KY: variants seen among roughly 807,000 people sequenced by gnomAD.
The protein encoded by KY is kyphoscoliosis peptidase.
A neutral mutation model predicts 76.1 loss-of-function variants in KY; 43 were observed. The ratio of observed to expected loss-of-function variants is 0.57; its 90% CI spans 0.44 to 0.73. The LOEUF (loss-of-function observed/expected upper bound fraction) is 0.73, where lower values mean the gene tolerates loss of function less well. Among genes scored for constraint, KY ranks in the 30% least tolerant of loss-of-function variants. The pLI, the probability that KY is intolerant of heterozygous loss-of-function variation, is 0.00. For synonymous variants in KY, 277 were observed against 326.2 expected, an observed-to-expected ratio of 0.85 and a Z score of 1.63; for missense variants, 722 against 828.9, an observed-to-expected ratio of 0.87 and a Z score of 1.58.
At position 134,601,656 on chromosome 3, in the gene KY, C is replaced by T. The variant is rs933019500; in HGVS notation, c.*1923G>A. 2.0e-5 allele frequency among the ~76,000 whole-genome samples: 3 copies of T among 152,204 alleles called. No individual in the cohort carries two copies. The highest frequency in any genetic ancestry group is 7.2e-5 in the African/African-American group (3 of 41,454). On this transcript the variant is annotated 3_prime_UTR_variant, in exon 11 of 11. Coordinates refer to ENST00000423778, the MANE Select transcript of KY (RefSeq NM_178554.6). ...TGACACGAGGCTGGCTGGGTGGCCT[C>T]GGTGGCAGAGACTGCGGAGGGCGCA...
At chr3:134,618,708 G>A (rs1233927120) in intron 8 of KY, among the ~76,000 whole-genome samples, 1 of 152,202 alleles carries the variant, frequency 6.6e-6, no homozygotes, top group African/African-American at 2.4e-5. Context: ...TGATTCAGCT[G>A]TCCAACTGAC....
At chr3:134,638,364 A>C (rs1577775087) in intron 3 of KY, among the ~76,000 whole-genome samples, 1 of 152,338 alleles carries the variant, frequency 6.6e-6, no homozygotes, top group East Asian at 1.9e-4. Flanking sequence ...TAAAATTCGC[A>C]GTCAGATCTA....
chr3:134,630,088 T>A (rs11915964), intron 3 of KY, among the ~76,000 whole-genome samples: 1 of 152,078 alleles, frequency 6.6e-6, no homozygotes, highest in African/African-American at 2.4e-5. Flanking sequence ...TAGACTGGAC[T>A]TAAAGGCATT....
intron 3 of KY, among the ~76,000 whole-genome samples, chr3:134,631,536 C>T (rs1297038948): frequency 1.0e-5 from 1 of 96,666 alleles, no homozygotes. Context: ...ATTATAACAT[C>T]TGATAGGTTT....
At chr3:134,608,512 C>G (rs1205741376) in intron 10 of KY, 137 bp downstream of exon 10, 1 of 1,570,148 alleles carries the variant, frequency 6.4e-7, no homozygotes, top group East Asian at 2.3e-5. Context: ...CATGCACACA[C>G]AAGCTTTGTG....
chr3:134,620,170 C>G (rs1298948758), intron 7 of KY, among the ~76,000 whole-genome samples: 1 of 152,142 alleles, frequency 6.6e-6, no homozygotes, highest in Non-Finnish European at 1.5e-5. Context: ...TCTGCTTGAC[C>G]CGGGAGCTTC....
chr3:134,621,543 T>G (rs1418725471), intron 6 of KY, among the ~76,000 whole-genome samples: 1 of 152,198 alleles, frequency 6.6e-6, no homozygotes, highest in Non-Finnish European at 1.5e-5. Flanking sequence ...GATCTCTACC[T>G]CATGCCATAT....
At chr3:134,643,594 C>G (rs941130168) in intron 2 of KY, among the ~76,000 whole-genome samples, 3 of 152,250 alleles carry the variant, frequency 2.0e-5, no homozygotes, top group East Asian at 1.9e-4. Context: ...GCACACACCC[C>G]TTGTGCCTCT....
rs1353301625 is a variant in KY, at chr3:134,603,960, G to T, written c.1605C>A (p.Leu535=). ...VQLPHAGKFA[L]KIFVKKRQEP... ...CCTGCCTCTTCTTGACAAAGATCTT[G>T]AGGGCAAACTTGCCTGCATGGGGCA... Residue 535 remains leucine, a synonymous_variant, in exon 11 of 11, where the codon CTC becomes CTA. Coordinates refer to ENST00000423778, the MANE Select transcript of KY (RefSeq NM_178554.6). 6.2e-7 allele frequency: 1 copy of T among 1,613,980 alleles called. No homozygotes were observed. Among genetic ancestry groups the T allele is most frequent in the Non-Finnish European group, 8.5e-7 (1 of 1,179,870 alleles).
rs144879765 is a variant in KY at position 134,599,982 on chromosome 3, G to T, written c.*3597C>A. Among the ~76,000 whole-genome samples the T allele has an allele frequency of 7.9e-5, 12 of 152,240 alleles. No homozygotes were observed. Among genetic ancestry groups the T allele is most frequent in the Non-Finnish European group, 1.3e-4 (9 of 68,022 alleles). On this transcript the variant is annotated 3_prime_UTR_variant, in exon 11 of 11. Coordinates refer to ENST00000423778, the MANE Select transcript of KY (RefSeq NM_178554.6). ...CAACACCAGCAACAACATGGAGAAA[G>T]CATACTCAACAGCCACCGGCCCACA...
rs1959060548 is a variant in KY, at chr3:134,603,571, C to T, written c.*8G>A. 1.3e-6 allele frequency: 2 copies of T among 1,564,398 alleles called. No individual in the cohort carries two copies. The highest frequency in any genetic ancestry group is 1.7e-5 in the Admixed American group (1 of 57,176). Reference sequence around the variant, plus strand: ...GCCCTTTGGGAGGGTAAGACCGGGGCACAGCCCTCACTGGGCATTCACTTT... The same window carrying T: ...GCCCTTTGGGAGGGTAAGACCGGGGTACAGCCCTCACTGGGCATTCACTTT... On this transcript the variant is annotated 3_prime_UTR_variant, in exon 11 of 11. Coordinates refer to ENST00000423778, the MANE Select transcript of KY (RefSeq NM_178554.6).
intron 8 of KY, among the ~76,000 whole-genome samples, chr3:134,616,258 A>G (rs931574755): frequency 6.6e-6 from 1 of 152,216 alleles, no homozygotes; most frequent in African/African-American, 2.4e-5. Context: ...GGACAGACAG[A>G]AGGAACTGAA....
intron 8 of KY, among the ~76,000 whole-genome samples, chr3:134,611,144 C>T (rs1180067513): frequency 6.6e-6 from 1 of 152,228 alleles, no homozygotes; most frequent in East Asian, 1.9e-4. Flanking sequence ...TCTCCTGTGG[C>T]TGTCCTGAGG....
intron 3 of KY, among the ~76,000 whole-genome samples, chr3:134,637,483 C>G (rs1293308304): frequency 6.6e-6 from 1 of 152,180 alleles, no homozygotes; most frequent in Non-Finnish European, 1.5e-5. Context: ...CTGAGTAGTC[C>G]TGTAGTAAAG....
intron 1 of KY, among the ~76,000 whole-genome samples, chr3:134,649,679 T>C (rs1280740359): frequency 6.6e-6 from 1 of 152,210 alleles, no homozygotes; most frequent in Non-Finnish European, 1.5e-5. Flanking sequence ...TACTCAGCCC[T>C]CTAGATTCTG....
At chr3:134,607,577 G>T in intron 10 of KY, 1 of 985,604 alleles carries the variant, frequency 1.0e-6, no homozygotes, top group Non-Finnish European at 1.2e-6. Context: ...GCGTGCCCAG[G>T]CTGTGTGCCC....
At chr3:134,612,008 C>T (rs1333483769) in intron 8 of KY, among the ~76,000 whole-genome samples, 1 of 152,162 alleles carries the variant, frequency 6.6e-6, no homozygotes, top group Admixed American at 6.5e-5. Flanking sequence ...TTCTACTTTC[C>T]CAGCCATCAG....
At chr3:134,646,761 C>T (rs1191637832) in intron 2 of KY, among the ~76,000 whole-genome samples, 1 of 152,170 alleles carries the variant, frequency 6.6e-6, no homozygotes, top group African/African-American at 2.4e-5. Flanking sequence ...GAGTTCTCTA[C>T]TGGGGCTCTG....
chr3:134,649,835 T>A (rs570533346), intron 1 of KY, among the ~76,000 whole-genome samples: 10 of 152,284 alleles, frequency 6.6e-5, no homozygotes, highest in Admixed American at 3.9e-4. Flanking sequence ...GCACAGAGGC[T>A]CTGGGGACAG....
Sources: gnomAD v4.1 joint callset for allele counts (sites outside exome capture counted in the v4.1 genomes callset) on GRCh38, gnomAD v4.1.1 for gene constraint, MANE v1.5 for transcripts, NCBI Gene and HGNC (gene_info 2026-07-23, HGNC 2026-07-21) for gene names.